The following CD99L2 variants were observed in gnomAD, a reference collection of about 807,000 sequenced individuals.
CD99L2 encodes CD99 antigen-like protein 2.
CD99L2 carries 24 observed loss-of-function variants against 27.3 expected under a neutral mutation model. That is an observed-to-expected ratio of 0.88 (90% CI 0.64 to 1.24). CD99L2 has a LOEUF of 1.24. Among genes scored for constraint, CD99L2 ranks in the 50% most tolerant of loss-of-function variants. CD99L2 has a pLI of 0.00. For missense variants in CD99L2, 255 were observed against 221.6 expected, an observed-to-expected ratio of 1.15 and a Z score of -0.96; for synonymous variants, 97 against 87.9, an observed-to-expected ratio of 1.10 and a Z score of -0.58.
Position 150,868,077 on chromosome X carries a change from A to T in CD99L2, c.67+30445T>A, listed in dbSNP as rs782693716. Among the ~76,000 whole-genome samples, 557 of 84,752 alleles carry T rather than the reference A, an allele frequency of 6.6e-3. 7 individuals are homozygous for T. The highest frequency in any genetic ancestry group is 0.018 in the Middle Eastern group (3 of 164). 73.6% of individuals were successfully genotyped at this position (84,752 alleles called of 115,157 possible). On this transcript the variant is annotated intron_variant, in intron 1 of 10. Coordinates refer to ENST00000370377, the MANE Select transcript of CD99L2 (RefSeq NM_031462.4). ...AGCCTAGGCGACAGAGTGAGACTCC[A>T]TCTCAAAAATAATAATAATAATAAT... is the stretch of plus-strand genomic sequence containing the variant.
At position 150,769,795 on chromosome X, in the gene CD99L2, G is replaced by T. The variant is rs2043402269; in HGVS notation, c.721+509C>A. Among the ~76,000 whole-genome samples, 3 of 112,594 alleles carry T rather than the reference G, an allele frequency of 2.7e-5. No individual in the cohort carries two copies. In the South Asian group the frequency reaches 1.1e-3, roughly 41 times the overall value. On this transcript the variant is annotated intron_variant, in intron 10 of 10. Transcript: ENST00000370377. ...AGCAGTTGGGCACTCTAGGCCTGTGGCCTGAACTTATGCGACCTCAAATTG... is the reference window on the plus strand; with the variant it reads ...AGCAGTTGGGCACTCTAGGCCTGTGTCCTGAACTTATGCGACCTCAAATTG...
intron 1 of CD99L2, among the ~76,000 whole-genome samples, chrX:150,833,359 T>G (rs1395919837): frequency 9.0e-6 from 1 of 111,699 alleles, no homozygotes; most frequent in Non-Finnish European, 1.9e-5. Flanking sequence ...ATTAGAAGAA[T>G]ATTGTTAAAA....
chrX:150,811,810 A>G (rs1172074509), intron 4 of CD99L2, among the ~76,000 whole-genome samples: 1 of 111,946 alleles, frequency 8.9e-6, no homozygotes, highest in East Asian at 2.8e-4. Context: ...GAAAAAAAAC[A>G]TAGGAGAAAA....
chrX:150,814,917 A>C lies in CD99L2; in HGVS notation c.222T>G (p.Ala74=). 1 of 1,211,737 alleles carries C rather than the reference A, an allele frequency of 8.3e-7. No individual in the cohort carries two copies. The highest frequency in any genetic ancestry group is 1.8e-5 in the South Asian group (1 of 56,942). Residue 74 remains alanine (A), a synonymous_variant, in exon 4 of 11, where the codon GCT becomes GCG. Coordinates refer to ENST00000370377, the MANE Select transcript of CD99L2 (RefSeq NM_031462.4). Reference sequence around the variant, plus strand: ...CATCATCTTGATCATCCAAAGCATCAGCCAAGTCCAATCCACTACCTTCAG... The same window carrying C: ...CATCATCTTGATCATCCAAAGCATCCGCCAAGTCCAATCCACTACCTTCAG... ...AKPPGSGLDL[A]DALDDQDDGR...
chrX:150,823,261 TG>T (rs1158290338), intron 2 of CD99L2, among the ~76,000 whole-genome samples: 1 of 111,709 alleles, frequency 9.0e-6, no homozygotes, highest in Non-Finnish European at 1.9e-5. Flanking sequence ...GAAACTGGGT[TG>T]GTTGGTTGGT....
intron 2 of CD99L2, among the ~76,000 whole-genome samples, chrX:150,817,137 T>C (rs2046172197): frequency 2.0e-5 from 2 of 102,303 alleles, no homozygotes; most frequent in South Asian, 9.5e-4. Flanking sequence ...GCATGGCACA[T>C]GTATACATAT....
At chrX:150,830,713 C>A (rs16995749) in intron 2 of CD99L2, among the ~76,000 whole-genome samples, 21,518 of 111,441 alleles carry the variant, frequency 0.19, 1,577 homozygotes, top group African/African-American at 0.26. Context: ...GCTACAGAAA[C>A]TGATATATCA....
chrX:150,768,945 A>G lies in CD99L2; in HGVS notation c.*89T>C, dbSNP rs1428077520. ...CAAGGAGCCGATGGCACAGAGCAGC[A>G]CAGCAGCTGCGGGTCCAAATGAAGG... On this transcript the variant is annotated 3_prime_UTR_variant, in exon 11 of 11. Transcript: ENST00000370377. 1.8e-6 allele frequency: 2 copies of G among 1,095,828 alleles called. No homozygotes were observed. The highest frequency in any genetic ancestry group is 3.5e-5 in the East Asian group (1 of 28,201). 90.3% of individuals were successfully genotyped at this position (1,095,828 alleles called of 1,213,427 possible).
intron 1 of CD99L2, among the ~76,000 whole-genome samples, chrX:150,872,360 T>G (rs782463673): frequency 9.1e-6 from 1 of 109,734 alleles, no homozygotes; most frequent in East Asian, 2.9e-4. Flanking sequence ...TCATTGAAAC[T>G]GACTGAACTT....
At chrX:150,775,667 C>G (rs991870427) in intron 9 of CD99L2, among the ~76,000 whole-genome samples, 41 of 112,499 alleles carry the variant, frequency 3.6e-4, no homozygotes, top group African/African-American at 1.1e-3. Flanking sequence ...GAGCACCAGG[C>G]AGTGACTTCT....
At chrX:150,860,426 T>C (rs2046958199) in intron 1 of CD99L2, among the ~76,000 whole-genome samples, 1 of 111,911 alleles carries the variant, frequency 8.9e-6, no homozygotes, top group Non-Finnish European at 1.9e-5. Context: ...AGGTGGCCAC[T>C]TTTACCACTT....
chrX:150,898,054 A>ACCCCCCCCCCCCCCCCC (rs370763385), intron 1 of CD99L2, among the ~76,000 whole-genome samples: 1 of 29,969 alleles, frequency 3.3e-5, no homozygotes, highest in Non-Finnish European at 7.6e-5. Flanking sequence ...CGCCTCGCTG[A>ACCCCCCCCCCCCCCCCC]CCCCCCCCCC....
At chrX:150,872,912 T>C (rs1003733352) in intron 1 of CD99L2, among the ~76,000 whole-genome samples, 1 of 111,874 alleles carries the variant, frequency 8.9e-6, no homozygotes, top group Non-Finnish European at 1.9e-5. Flanking sequence ...GCAGTCCCTG[T>C]TCAGTTGGCC....
chrX:150,811,978 T>C (rs2046078542), intron 4 of CD99L2, among the ~76,000 whole-genome samples: 1 of 111,337 alleles, frequency 9.0e-6, no homozygotes, highest in African/African-American at 3.3e-5. Flanking sequence ...CTAGGCAACA[T>C]AGTGAGACCC....
At chrX:150,832,283 C>A (rs1343612206) in intron 1 of CD99L2, among the ~76,000 whole-genome samples, 1 of 112,650 alleles carries the variant, frequency 8.9e-6, no homozygotes, top group Non-Finnish European at 1.9e-5. Flanking sequence ...GGAAATTAAA[C>A]AATCAACAGG....
intron 4 of CD99L2, among the ~76,000 whole-genome samples, chrX:150,799,609 T>C (rs1160789360): frequency 1.8e-5 from 2 of 111,067 alleles, no homozygotes; most frequent in African/African-American, 6.5e-5. Flanking sequence ...AAATGACCAA[T>C]AAGCACATGA....
At chrX:150,771,953 C>A in intron 9 of CD99L2, 1 of 723,002 alleles carries the variant, frequency 1.4e-6, no homozygotes, top group Non-Finnish European at 2.0e-6. Context: ...TTGGCAGCAG[C>A]AGAGGCCGAG....
chrX:150,845,123 G>A (rs1048080036), intron 1 of CD99L2, among the ~76,000 whole-genome samples: 4 of 111,838 alleles, frequency 3.6e-5, no homozygotes, highest in Admixed American at 9.5e-5. Context: ...ACACAGAAAC[G>A]TAAATGTCTA....
In CD99L2 at chrX:150,777,273, G is replaced by T. The variant is rs2043573609; in HGVS notation, c.535+171C>A. 1.7e-5 allele frequency: 9 copies of T among 530,258 alleles called. No individual in the cohort carries two copies. The South Asian group carries it at 2.6e-4, about 16-fold the overall frequency. 43.7% of individuals were successfully genotyped at this position (530,258 alleles called of 1,213,427 possible). A position where few individuals can be genotyped will look rare whatever the true frequency, so the allele number is the denominator to read the frequency against. ...TCTTTGTAGGCAAATTGTGAGGGAG[G>T]CGTGCAGCTTTTTCCATCTTTGCAG... On this transcript the variant is annotated intron_variant, in intron 8 of 10. Transcript: ENST00000370377.
Sources: allele counts gnomAD v4.1 joint callset (sites outside exome capture counted in the v4.1 genomes callset), GRCh38; gene constraint gnomAD v4.1.1; transcripts MANE v1.5; gene names NCBI Gene and HGNC (gene_info 2026-07-23, HGNC 2026-07-21).